Variants in PI4K2B observed in about 807,000 individuals in gnomAD.
PI4K2B encodes phosphatidylinositol 4-kinase type 2 beta.
A neutral mutation model predicts 56.6 loss-of-function variants in PI4K2B; 46 were observed. That is an observed-to-expected ratio of 0.81 (90% CI 0.64 to 1.04). PI4K2B has a LOEUF of 1.04. Ranked by LOEUF, PI4K2B falls within the 50% of genes least tolerant of loss-of-function variation. The probability of loss-of-function intolerance (pLI) is 0.00; values close to 1 mark genes in which losing one functional copy is unlikely to be tolerated. For synonymous variants in PI4K2B, 211 were observed against 223.8 expected, an observed-to-expected ratio of 0.94 and a Z score of 0.51; for missense variants, 556 against 607.7, an observed-to-expected ratio of 0.91 and a Z score of 0.89.
In PI4K2B at chr4:25,277,227, C is replaced by A; in HGVS notation, c.*40C>A. The A allele has an allele frequency of 2.6e-6, 4 of 1,540,326 alleles. No individual in the cohort carries two copies. Among genetic ancestry groups the A allele is most frequent in the Non-Finnish European group, 3.5e-6 (4 of 1,132,278 alleles). ...AGAGAAACAAACTGTTTAGAATTATCATGTTTTTAAAACATCATAGTAATA... is the reference window on the plus strand; with the variant it reads ...AGAGAAACAAACTGTTTAGAATTATAATGTTTTTAAAACATCATAGTAATA... On this transcript the variant is annotated 3_prime_UTR_variant, in exon 10 of 10. Transcript: ENST00000264864.
chr4:25,271,548 A>G (rs1201625543), intron 9 of PI4K2B, among the ~76,000 whole-genome samples: 2 of 152,188 alleles, frequency 1.3e-5, no homozygotes, highest in Non-Finnish European at 2.9e-5. Flanking sequence ...CTGGTAATTG[A>G]GGCATCAATG....
At chr4:25,237,515 C>T (rs773087534) in intron 1 of PI4K2B, among the ~76,000 whole-genome samples, 19 of 152,172 alleles carry the variant, frequency 1.2e-4, no homozygotes, top group Non-Finnish European at 2.4e-4. Context: ...GCTGGGATTA[C>T]AGGCACATGC....
intron 1 of PI4K2B, among the ~76,000 whole-genome samples, chr4:25,243,512 C>A (rs1241224792): frequency 6.6e-6 from 1 of 152,176 alleles, no homozygotes; most frequent in African/African-American, 2.4e-5. Flanking sequence ...TCCTTTTGGG[C>A]CCGTTCCTTT....
At chr4:25,258,211 TCC>T (rs1716322665) in intron 4 of PI4K2B, among the ~76,000 whole-genome samples, 1 of 131,998 alleles carries the variant, frequency 7.6e-6, no homozygotes, top group Non-Finnish European at 1.7e-5. Flanking sequence ...AAGGAATCTG[TCC>T]TTTTTTTTTT....
chr4:25,255,395 T>A, intron 3 of PI4K2B, 130 bp downstream of exon 3: 1 of 693,116 alleles, frequency 1.4e-6, no homozygotes, highest in Non-Finnish European at 2.5e-6. Context: ...CCAAGAGTCA[T>A]GAGTGACTGG....
intron 1 of PI4K2B, among the ~76,000 whole-genome samples, chr4:25,243,327 AG>A (rs1414524766): frequency 6.6e-6 from 1 of 152,166 alleles, no homozygotes; most frequent in African/African-American, 2.4e-5. Context: ...GACATGGATG[AG>A]GGGGCAGCTT....
chr4:25,268,350 A>G, intron 7 of PI4K2B, 93 bp from the exon 8 acceptor site: 1 of 999,492 alleles, frequency 1.0e-6, no homozygotes, highest in African/African-American at 1.6e-5. Flanking sequence ...TTTTTTGGGG[A>G]GAACCTAGGA....
intron 2 of PI4K2B, among the ~76,000 whole-genome samples, chr4:25,252,859 C>T (rs570607641): frequency 2.0e-5 from 3 of 152,190 alleles, no homozygotes; most frequent in African/African-American, 4.8e-5. Flanking sequence ...AAGCAAACCT[C>T]GGCTTTGGCT....
intron 1 of PI4K2B, among the ~76,000 whole-genome samples, chr4:25,244,054 G>C (rs1386224848): frequency 6.6e-6 from 1 of 152,174 alleles, no homozygotes; most frequent in Non-Finnish European, 1.5e-5. Flanking sequence ...ATCTCTCCAA[G>C]CAAGGTCGAA....
chr4:25,263,624 A>G, intron 6 of PI4K2B, 126 bp from the exon 7 acceptor site: 1 of 454,966 alleles, frequency 2.2e-6, no homozygotes. Context: ...TTTTCTGGTA[A>G]CATTATTTTT....
intron 1 of PI4K2B, among the ~76,000 whole-genome samples, chr4:25,235,529 G>C (rs951154154): frequency 6.6e-6 from 1 of 152,184 alleles, no homozygotes; most frequent in East Asian, 1.9e-4. Context: ...AGAATCCCAA[G>C]GGGAGCAGTT....
intron 9 of PI4K2B, among the ~76,000 whole-genome samples, chr4:25,271,515 GGAGCCTCACTAA>G (rs1198613049): frequency 6.6e-6 from 1 of 152,180 alleles, no homozygotes; most frequent in Non-Finnish European, 1.5e-5. Flanking sequence ...TGACAGCCAA[GGAGCCTCACTAA>G]GAGGCTTTTT....
At chr4:25,249,204 C>CT (rs1553889031) in intron 1 of PI4K2B, among the ~76,000 whole-genome samples, 1 of 152,200 alleles carries the variant, frequency 6.6e-6, no homozygotes, top group Non-Finnish European at 1.5e-5. Context: ...TCTCCTATGT[C>CT]TACTTCTTTC....
chr4:25,258,913 ATTAGTGTTAAG>A (rs1269990634), intron 4 of PI4K2B, 113 bp from the exon 5 acceptor site: 1 of 491,826 alleles, frequency 2.0e-6, no homozygotes, highest in African/African-American at 1.9e-5. Flanking sequence ...GCTTATCTAA[ATTAGTGTTAAG>A]TTTTCTTATT....
intron 5 of PI4K2B, 112 bp downstream of exon 5, chr4:25,259,302 C>T: frequency 1.4e-6 from 1 of 704,150 alleles, no homozygotes; most frequent in Non-Finnish European, 2.4e-6. Flanking sequence ...AAGCCACTTT[C>T]TCTGTCTGTC....
intron 1 of PI4K2B, among the ~76,000 whole-genome samples, chr4:25,244,592 A>G (rs1034717927): frequency 6.6e-6 from 1 of 152,154 alleles, no homozygotes; most frequent in Non-Finnish European, 1.5e-5. Flanking sequence ...CCTCTTTTTC[A>G]GGGTTTATGG....
intron 4 of PI4K2B, 123 bp downstream of exon 4, chr4:25,256,797 CT>C: frequency 1.1e-6 from 1 of 891,466 alleles, no homozygotes; most frequent in Non-Finnish European, 1.7e-6. Flanking sequence ...CTTCCAGGAG[CT>C]TATAGTAAAC....
chr4:25,237,230 C>T (rs142824135), intron 1 of PI4K2B, among the ~76,000 whole-genome samples: 123 of 152,306 alleles, frequency 8.1e-4, no homozygotes, highest in African/African-American at 2.6e-3. Context: ...TCAGTGAATT[C>T]GGTAGTAATG....
At chr4:25,238,422 A>G (rs1362746986) in intron 1 of PI4K2B, among the ~76,000 whole-genome samples, 2 of 152,178 alleles carry the variant, frequency 1.3e-5, no homozygotes, top group Admixed American at 6.5e-5. Context: ...GGTTTTAACT[A>G]CTGGTGCTAT....
Sources: allele counts gnomAD v4.1 joint callset (sites outside exome capture counted in the v4.1 genomes callset), GRCh38; gene constraint gnomAD v4.1.1; transcripts MANE v1.5; gene names NCBI Gene and HGNC (gene_info 2026-07-23, HGNC 2026-07-21).